The following GSE1 variants were observed in gnomAD, a reference collection of about 807,000 sequenced individuals.
GSE1 encodes the protein genetic suppressor element 1.
In GSE1, 32 loss-of-function variants were observed where a neutral mutation model predicts 112.6. The ratio of observed to expected loss-of-function variants is 0.28; its 90% CI spans 0.21 to 0.38. The LOEUF (loss-of-function observed/expected upper bound fraction) is 0.38. GSE1 is among the 10% of genes least tolerant of loss of function. The pLI is 1.00. For missense variants in GSE1, 2,348 were observed against 1,699.2 expected (o/e 1.38, Z -6.71); for synonymous variants, 1,115 against 735.6 (o/e 1.52, Z -8.35).
chr16:85,508,825 G>A (rs908517289), intron 2 of GSE1, among the ~76,000 whole-genome samples: 3 of 152,192 alleles, frequency 2.0e-5, no homozygotes, highest in Admixed American at 1.3e-4. Flanking sequence ...CAGGAGAAAG[G>A]TTCGTAACTG....
At chr16:85,647,641 C>G (rs781084223) in intron 2 of GSE1, among the ~76,000 whole-genome samples, 1 of 152,128 alleles carries the variant, frequency 6.6e-6, no homozygotes, top group Admixed American at 6.5e-5. Flanking sequence ...GGCTGGAGTG[C>G]GGCAGCACGA....
intron 2 of GSE1, among the ~76,000 whole-genome samples, chr16:85,514,374 C>G (rs188917844): frequency 4.1e-5 from 6 of 147,442 alleles, no homozygotes; most frequent in East Asian, 2.1e-4. Context: ...ACCACCCCCC[C>G]ATCCTTTGCA....
chr16:85,493,923 G>GA (rs983938868), intron 2 of GSE1, among the ~76,000 whole-genome samples: 6 of 149,118 alleles, frequency 4.0e-5, no homozygotes, highest in South Asian at 2.1e-4. Flanking sequence ...TCTACAAAAA[G>GA]AAAAAAAAAA....
intron 2 of GSE1, among the ~76,000 whole-genome samples, chr16:85,450,987 T>C (rs1276258152): frequency 6.8e-6 from 1 of 147,208 alleles, no homozygotes; most frequent in African/African-American, 2.5e-5. Context: ...GGCAGGAGAA[T>C]TGCTTGAAAC....
At chr16:85,649,950 G>A (rs1052253004) in intron 3 of GSE1, among the ~76,000 whole-genome samples, 2 of 152,146 alleles carry the variant, frequency 1.3e-5, no homozygotes, top group African/African-American at 4.8e-5. Context: ...CCCTGATCCA[G>A]GGTCCCAGTG....
chr16:85,352,582 T>C (rs1215521378), intron 1 of GSE1, among the ~76,000 whole-genome samples: 1 of 152,180 alleles, frequency 6.6e-6, no homozygotes, highest in Non-Finnish European at 1.5e-5. Flanking sequence ...ACACAGCACA[T>C]ATGCAGGTTT....
At chr16:85,254,875 G>A (rs571802211) in intron 1 of GSE1, among the ~76,000 whole-genome samples, 27 of 152,344 alleles carry the variant, frequency 1.8e-4, no homozygotes, top group African/African-American at 5.3e-4. Context: ...CTGGAGATGT[G>A]TGCCCAGGTC....
chr16:85,213,100 C>T (rs1247143875), intron 1 of GSE1, among the ~76,000 whole-genome samples: 2 of 152,022 alleles, frequency 1.3e-5, no homozygotes, highest in African/African-American at 4.8e-5. Flanking sequence ...GAAACCCCTT[C>T]TCTACTAAAA....
chr16:85,228,139 C>T (rs1442089320), intron 1 of GSE1, among the ~76,000 whole-genome samples: 1 of 152,208 alleles, frequency 6.6e-6, no homozygotes, highest in East Asian at 1.9e-4. Context: ...CAGGAGTGAG[C>T]CTGGCTGCTG....
intron 2 of GSE1, among the ~76,000 whole-genome samples, chr16:85,478,904 T>C (rs2050567324): frequency 1.5e-5 from 1 of 68,298 alleles, no homozygotes; most frequent in African/African-American, 7.1e-5. Context: ...TCTTTCTTTC[T>C]TTCTTTCTTT....
intron 2 of GSE1, among the ~76,000 whole-genome samples, chr16:85,459,527 C>G (rs541436286): frequency 3.3e-5 from 5 of 152,352 alleles, no homozygotes; most frequent in African/African-American, 1.2e-4. Context: ...GGGCTTAAAG[C>G]ACAAACCACT....
chr16:85,668,195 C>T lies in GSE1; in HGVS notation c.3186C>T (p.His1062=). The T allele has an allele frequency of 6.2e-7, 1 of 1,610,418 alleles. No homozygotes were observed. The highest frequency in any genetic ancestry group is 8.5e-7 in the Non-Finnish European group (1 of 1,176,876). Residue 1062 remains histidine, a synonymous_variant, in exon 14 of 16, where the codon CAC becomes CAT. Transcript: ENST00000253458. ...EQNHKVDTSV[H]YNIPELQSSS... Reference sequence around the variant, plus strand: ...ACCACAAGGTTGACACGTCCGTCCACTACAACATTCCTGAGCTGCAGTCCT... The same window carrying T: ...ACCACAAGGTTGACACGTCCGTCCATTACAACATTCCTGAGCTGCAGTCCT...
intron 2 of GSE1, among the ~76,000 whole-genome samples, chr16:85,635,402 G>A (rs952577759): frequency 1.2e-4 from 18 of 152,192 alleles, no homozygotes; most frequent in African/African-American, 4.1e-4. Context: ...CCACACCTGA[G>A]CGGGCCAGGT....
At chr16:85,180,485 G>C (rs375530132) in intron 1 of GSE1, among the ~76,000 whole-genome samples, 9 of 152,366 alleles carry the variant, frequency 5.9e-5, no homozygotes, top group African/African-American at 2.2e-4. Flanking sequence ...GCAAGGGGAC[G>C]CCAGTGTCAG....
intron 2 of GSE1, among the ~76,000 whole-genome samples, chr16:85,396,721 G>A (rs1251804065): frequency 1.3e-5 from 2 of 152,266 alleles, no homozygotes; most frequent in Non-Finnish European, 2.9e-5. Flanking sequence ...ACAAGTGGGA[G>A]GCCACAGGCC....
At chr16:85,430,851 G>C (rs2049102710) in intron 2 of GSE1, among the ~76,000 whole-genome samples, 2 of 152,246 alleles carry the variant, frequency 1.3e-5, no homozygotes, top group Non-Finnish European at 2.9e-5. Context: ...AATGCAGGTT[G>C]CCGGGCCCTG....
intron 1 of GSE1, among the ~76,000 whole-genome samples, chr16:85,221,199 C>T (rs2075385068): frequency 6.6e-6 from 1 of 151,990 alleles, no homozygotes; most frequent in African/African-American, 2.4e-5. Flanking sequence ...TGCAGCTGTC[C>T]CTCCCGTGCT....
chr16:85,543,883 G>T (rs1555530002), intron 2 of GSE1, among the ~76,000 whole-genome samples: 1 of 152,178 alleles, frequency 6.6e-6, no homozygotes, highest in Non-Finnish European at 1.5e-5. Context: ...TGTCATCCAG[G>T]CTGGAGGGCA....
chr16:85,419,638 A>G lies in GSE1; in HGVS notation c.2464+61995A>G, dbSNP rs1171110124. On this transcript the variant is annotated intron_variant, in intron 2 of 2. Coordinates refer to the GSE1 transcript ENST00000637419. This position sits in a 1 kb window ranked among gnomAD's most constrained non-coding sequence, Gnocchi z 6.5. The stretch of plus-strand genomic sequence containing the variant: ...AAAAACAAAAAACAAAAAACAAAAA[A>G]TAACATTATGCCAGAACATGCCAGC... Among the ~76,000 whole-genome samples, 2 of 152,040 alleles carry G rather than the reference A, an allele frequency of 1.3e-5. No individual in the cohort carries two copies. Among genetic ancestry groups the G allele is most frequent in the Non-Finnish European group, 2.9e-5 (2 of 68,002 alleles).
Sources: allele counts gnomAD v4.1 joint callset (sites outside exome capture counted in the v4.1 genomes callset), GRCh38; gene constraint gnomAD v4.1.1; non-coding constraint Gnocchi (gnomAD v3.1); transcripts MANE v1.5; gene names NCBI Gene and HGNC (gene_info 2026-07-23, HGNC 2026-07-21).